The following ZNF3 variants were observed in gnomAD, a reference collection of about 807,000 sequenced individuals.
ZNF3 encodes C2-H2 type zinc finger protein.
A neutral mutation model predicts 36.9 loss-of-function variants in ZNF3; 16 were observed. The ratio of observed to expected loss-of-function variants is 0.43; its 90% CI spans 0.29 to 0.66. The LOEUF is 0.66. Ranked by LOEUF, ZNF3 falls within the 30% of genes least tolerant of loss-of-function variation. The pLI is 0.13. For missense variants in ZNF3, 462 were observed against 543.1 expected (o/e 0.85, Z 1.48); for synonymous variants, 201 against 201.9 (o/e 1.00, Z 0.04).
intron 3 of ZNF3, among the ~76,000 whole-genome samples, chr7:100,075,906 T>C (rs886800875): frequency 1.3e-5 from 2 of 152,172 alleles, no homozygotes; most frequent in African/African-American, 2.4e-5. Context: ...GTCACTCTTC[T>C]CTCAATGAAA....
At chr7:100,072,535 G>A (rs561865643) in intron 5 of ZNF3, among the ~76,000 whole-genome samples, 1 of 152,318 alleles carries the variant, frequency 6.6e-6, no homozygotes, top group Admixed American at 6.5e-5. Context: ...AAGTGACAAA[G>A]CCTTTAGAGA....
chr7:100,065,092 C>T, downstream of ZNF3: 1 of 928,378 alleles, frequency 1.1e-6, no homozygotes, highest in Non-Finnish European at 1.6e-6. Flanking sequence ...TGAATACTTA[C>T]AGATGGAGAA....
intron 2 of ZNF3, among the ~76,000 whole-genome samples, chr7:100,078,163 C>A (rs997695994): frequency 2.6e-5 from 4 of 152,174 alleles, no homozygotes; most frequent in South Asian, 2.1e-4. Context: ...ATATTTATAA[C>A]AAAATGCAGG....
chr7:100,077,275 A>T (rs1399782455), intron 3 of ZNF3, 28 bp downstream of exon 3: 4 of 1,613,590 alleles, frequency 2.5e-6, no homozygotes, highest in Non-Finnish European at 3.4e-6. Flanking sequence ...TGACTGAGTA[A>T]AAGAATGAAT....
At position 100,070,746 on chromosome 7, in the gene ZNF3, A is replaced by G. The variant is rs570593660; in HGVS notation, c.*397T>C. The stretch of plus-strand genomic sequence containing the variant: ...AGTCTCCCTTTACCCTCCCTAGCAA[A>G]TAACAGGACCCAGAGCGTCCTTTCC... On this transcript the variant is annotated 3_prime_UTR_variant, in exon 6 of 6. Coordinates refer to ENST00000299667, the MANE Select transcript of ZNF3 (RefSeq NM_032924.5). 211 of 1,010,934 alleles carry G rather than the reference A, an allele frequency of 2.1e-4. No individual in the cohort carries two copies. The African/African-American group carries it at 2.7e-3, about 13-fold the overall frequency. 62.6% of individuals were successfully genotyped at this position (1,010,934 alleles called of 1,614,324 possible).
At chr7:100,080,187 C>CT (rs1794766494) in intron 1 of ZNF3, among the ~76,000 whole-genome samples, 1 of 152,232 alleles carries the variant, frequency 6.6e-6, no homozygotes, top group Non-Finnish European at 1.5e-5. Context: ...TTCTAACGTT[C>CT]TGTCAGCTAA....
chr7:100,081,733 A>G (rs1032748289), upstream of ZNF3: 1 of 152,352 alleles, frequency 6.6e-6, no homozygotes, highest in Non-Finnish European at 1.5e-5. This position sits in a 1 kb window ranked among gnomAD's most constrained non-coding sequence, Gnocchi z 4.3. Flanking sequence ...CAAAGAACGG[A>G]AGTTCCCCCT....
intron 2 of ZNF3, chr7:100,079,254 G>A (rs910296813): frequency 6.6e-6 from 1 of 152,238 alleles, no homozygotes; most frequent in Non-Finnish European, 1.5e-5. Context: ...CTCCTAGAAA[G>A]GCAGGTCAAA....
chr7:100,075,748 C>T, intron 3 of ZNF3, 118 bp from the exon 4 acceptor site: 1 of 886,700 alleles, frequency 1.1e-6, no homozygotes, highest in Non-Finnish European at 1.8e-6. Flanking sequence ...GACCCTCTCT[C>T]TCACATTTCT....
At position 100,071,734 on chromosome 7, in the gene ZNF3, G is replaced by A. The variant is rs763841672; in HGVS notation, c.750C>T (p.His250=). The change falls in exon 6 of 6, where the codon CAC becomes CAT. Residue 250 remains histidine, a synonymous_variant. Transcript: ENST00000299667. ...SSHLIQHQRI[H]TGEKPYECSD... Reference sequence around the variant, plus strand: ...TACATTCATAAGGTTTTTCCCCAGTGTGGATTCTCTGATGCTGAATAAGGT... The same window carrying A: ...TACATTCATAAGGTTTTTCCCCAGTATGGATTCTCTGATGCTGAATAAGGT... 2 of 1,614,124 alleles carry A rather than the reference G, an allele frequency of 1.2e-6. No individual in the cohort carries two copies. The highest frequency in any genetic ancestry group is 1.3e-5 in the African/African-American group (1 of 75,040).
Position 100,071,900 on chromosome 7 carries a change from A to T in ZNF3, c.584T>A (p.Val195Glu). ...ATCACACTTATGGGGTCTGTCTCCC[A>T]CGGGGAGTCTCTGATGTGAGATAAG... is the stretch of plus-strand genomic sequence containing the variant. The part of the protein sequence containing the change: ...SNLISHQRLP[V>E]GDRPHKCDEC... Residue 195 changes from valine (V) to glutamate (E), a missense_variant, in exon 6 of 6, where the codon GTG becomes GAG. Coordinates refer to ENST00000299667, the MANE Select transcript of ZNF3 (RefSeq NM_032924.5). 1 of 1,614,226 alleles carries T rather than the reference A, an allele frequency of 6.2e-7. No homozygotes were observed. The highest frequency in any genetic ancestry group is 8.5e-7 in the Non-Finnish European group (1 of 1,180,042).
downstream of ZNF3, among the ~76,000 whole-genome samples, chr7:100,067,234 G>A (rs1260936380): frequency 6.6e-6 from 1 of 152,142 alleles, no homozygotes; most frequent in Non-Finnish European, 1.5e-5. Flanking sequence ...CAATCCCGGT[G>A]CTCCCCTCAC....
Position 100,071,559 on chromosome 7 carries a change from C to G in ZNF3, c.925G>C (p.Glu309Gln). Residue 309 changes from glutamate (E) to glutamine (Q), a missense_variant, in exon 6 of 6, where the codon GAG becomes CAG. Transcript: ENST00000299667. ...LTHHQRIHTG[E>Q]KPYACNECGK... ...CATTCATTGCAGGCGTAGGGTTTCT[C>G]ACCAGTGTGGATTCTCTGATGGTGG... The G allele has an allele frequency of 6.2e-7, 1 of 1,614,040 alleles. No homozygotes were observed. The highest frequency in any genetic ancestry group is 8.5e-7 in the Non-Finnish European group (1 of 1,179,994).
chr7:100,064,259 CAG>C, exon 6 of ZNF3: 1 of 1,614,144 alleles, frequency 6.2e-7, no homozygotes. Flanking sequence ...AGAATGCACA[CAG>C]AAGAGGCGCC....
chr7:100,068,227 C>T (rs899188096), downstream of ZNF3, among the ~76,000 whole-genome samples: 1 of 152,152 alleles, frequency 6.6e-6, no homozygotes, highest in Non-Finnish European at 1.5e-5. Flanking sequence ...GCTGGGATTA[C>T]AGGCATGTGC....
At chr7:100,069,060 C>G (rs964020448), downstream of ZNF3, among the ~76,000 whole-genome samples, 8 of 151,974 alleles carry the variant, frequency 5.3e-5, no homozygotes. Flanking sequence ...GAACTCCTGA[C>G]CTTGTGATCC....
chr7:100,070,542 C>T lies in ZNF3; in HGVS notation c.*601G>A. The T allele has an allele frequency of 2.0e-6, 2 of 985,624 alleles. No individual in the cohort carries two copies. The highest frequency in any genetic ancestry group is 2.4e-6 in the Non-Finnish European group (2 of 830,114). The allele number at this position is 985,624 out of a possible 1,614,324, so 61.1% of individuals were successfully genotyped here. A position where few individuals can be genotyped will look rare whatever the true frequency, so the allele number is the denominator to read the frequency against. Reference sequence around the variant, plus strand: ...ACCAGGTTTCTCTTGGAAACATGGTCTGGCTGCTCCAAGAGCCCTAAAGGA... The same window carrying T: ...ACCAGGTTTCTCTTGGAAACATGGTTTGGCTGCTCCAAGAGCCCTAAAGGA... On this transcript the variant is annotated 3_prime_UTR_variant, in exon 6 of 6. Transcript: ENST00000299667.
downstream of ZNF3, among the ~76,000 whole-genome samples, chr7:100,066,311 C>G (rs1410343323): frequency 6.6e-6 from 1 of 152,210 alleles, no homozygotes; most frequent in Non-Finnish European, 1.5e-5. Context: ...CACAGTGGCT[C>G]ATGCCTATAA....
chr7:100,077,266 G>A (rs1296805129), intron 3 of ZNF3, 37 bp downstream of exon 3: 3 of 1,613,024 alleles, frequency 1.9e-6, no homozygotes, highest in Admixed American at 1.7e-5. Flanking sequence ...ATTGCAGAAT[G>A]ACTGAGTAAA....
Sources: allele counts gnomAD v4.1 joint callset (sites outside exome capture counted in the v4.1 genomes callset), GRCh38; gene constraint gnomAD v4.1.1; non-coding constraint Gnocchi (gnomAD v3.1); transcripts MANE v1.5; gene names NCBI Gene and HGNC (gene_info 2026-07-23, HGNC 2026-07-21).